Variants in UST observed in about 807,000 individuals in gnomAD.
UST encodes the protein uronyl 2-sulfotransferase.
Under a neutral mutation model 45.6 loss-of-function variants are expected in UST, and 21 were observed. The ratio of observed to expected loss-of-function variants is 0.46; its 90% CI spans 0.33 to 0.66. The LOEUF (loss-of-function observed/expected upper bound fraction) is 0.66. Ranked by LOEUF, UST falls within the 30% of genes least tolerant of loss-of-function variation. The probability of loss-of-function intolerance (pLI) is 0.02; values close to 1 mark genes in which losing one functional copy is unlikely to be tolerated. For missense variants in UST, 463 were observed against 512.4 expected, an observed-to-expected ratio of 0.90 and a Z score of 0.93; for synonymous variants, 215 against 200.6, an observed-to-expected ratio of 1.07 and a Z score of -0.61.
Position 149,076,021 on chromosome 6 carries a change from T to A in UST, c.*1905T>A, listed in dbSNP as rs1776884268. On this transcript the variant is annotated 3_prime_UTR_variant, in exon 8 of 8. Transcript: ENST00000367463. ...TTAAGAAGGCTGCAGCCCACAGGAG[T>A]CCAGGGAAGGCGGGGACCACAGAGG... 1 of 152,418 alleles carries A rather than the reference T, an allele frequency of 6.6e-6. No homozygotes were observed. The highest frequency in any genetic ancestry group is 6.6e-5 in the Admixed American group (1 of 15,260). The allele number at this position is 152,418 out of a possible 1,614,324, so 9.4% of individuals were successfully genotyped here.
intron 4 of UST, among the ~76,000 whole-genome samples, chr6:148,960,865 T>C (rs1003614101): frequency 6.6e-6 from 1 of 152,242 alleles, no homozygotes; most frequent in Non-Finnish European, 1.5e-5. Flanking sequence ...GCAATAATTA[T>C]TACCTCAGGA....
intron 7 of UST, among the ~76,000 whole-genome samples, chr6:149,041,829 C>T (rs1239915779): frequency 1.3e-5 from 2 of 152,220 alleles, no homozygotes; most frequent in Admixed American, 1.3e-4. Context: ...CCAGAACCGT[C>T]CTCTCCTAAA....
intron 1 of UST, among the ~76,000 whole-genome samples, chr6:148,765,467 A>G (rs576414595): frequency 6.6e-6 from 1 of 152,124 alleles, no homozygotes; most frequent in African/African-American, 2.4e-5. Flanking sequence ...GGTTCCATAT[A>G]AATTTTAGGA....
At chr6:149,026,369 A>G (rs577042779) in intron 7 of UST, among the ~76,000 whole-genome samples, 1 of 152,202 alleles carries the variant, frequency 6.6e-6, no homozygotes, top group Non-Finnish European at 1.5e-5. Context: ...AGAGAAGTTG[A>G]GAGAATGATC....
intron 1 of UST, 141 bp from the exon 2 acceptor site, chr6:148,886,845 T>C: frequency 1.4e-6 from 1 of 723,354 alleles, no homozygotes; most frequent in Non-Finnish European, 2.4e-6. Flanking sequence ...GTCAAACCAG[T>C]GATTAATTCC....
intron 7 of UST, among the ~76,000 whole-genome samples, chr6:149,041,495 A>G (rs1204972573): frequency 6.6e-6 from 1 of 152,192 alleles, no homozygotes; most frequent in Non-Finnish European, 1.5e-5. Flanking sequence ...CCCCTTGTCC[A>G]TGCCCCTTGC....
intron 2 of UST, among the ~76,000 whole-genome samples, chr6:148,905,426 T>C (rs78754852): frequency 0.014 from 2,163 of 152,174 alleles, 60 homozygotes; most frequent in African/African-American, 0.049. Context: ...CTTCCTCCAC[T>C]CCATGGAAAC....
Position 148,964,452 on chromosome 6 carries a change from C to A in UST, c.570C>A (p.Asp190Glu). ...CTGTCTACATCAACATCATTAGAGA[C>A]CCCGTCAACCGGTTCTTATCCAACT... ...DQPVYINIIR[D>E]PVNRFLSNYF... The change falls in exon 5 of 8, where the codon GAC becomes GAA. Residue 190 changes from aspartate to glutamate, a missense_variant. Around this residue, in one of 2 missense-constraint regions of UST, gnomAD observed 287 missense variants for 374.2 expected, o/e 0.77. Coordinates refer to ENST00000367463, the MANE Select transcript of UST (RefSeq NM_005715.3). 6.2e-7 allele frequency: 1 copy of A among 1,614,190 alleles called. No homozygotes were observed. Among genetic ancestry groups the A allele is most frequent in the Non-Finnish European group, 8.5e-7 (1 of 1,180,046 alleles).
intron 5 of UST, among the ~76,000 whole-genome samples, chr6:148,995,837 G>A (rs913117408): frequency 5.3e-5 from 8 of 152,240 alleles, no homozygotes; most frequent in South Asian, 2.1e-4. Flanking sequence ...GAGACAGGGC[G>A]TGTGCATTCC....
intron 5 of UST, among the ~76,000 whole-genome samples, chr6:149,014,991 G>T (rs1210103551): frequency 6.6e-6 from 1 of 152,116 alleles, no homozygotes; most frequent in Non-Finnish European, 1.5e-5. Context: ...AGAGCTGCTG[G>T]CTGAGAAGCT....
chr6:149,007,744 AG>A (rs1562327910), intron 5 of UST, among the ~76,000 whole-genome samples: 1 of 151,644 alleles, frequency 6.6e-6, no homozygotes, highest in African/African-American at 2.4e-5. Context: ...CATTTAAGAC[AG>A]GGGGTTTTTT....
chr6:148,867,156 A>G (rs1351349767), intron 1 of UST, among the ~76,000 whole-genome samples: 3 of 152,156 alleles, frequency 2.0e-5, no homozygotes, highest in Non-Finnish European at 2.9e-5. Flanking sequence ...TGCTAGTCAC[A>G]GTAGAGAAAA....
intron 7 of UST, among the ~76,000 whole-genome samples, chr6:149,032,815 T>G (rs557219230): frequency 6.6e-6 from 1 of 152,274 alleles, no homozygotes; most frequent in African/African-American, 2.4e-5. Context: ...ATGATTCATT[T>G]CCCCAGGCAA....
At chr6:148,802,440 C>T (rs756614195) in intron 1 of UST, among the ~76,000 whole-genome samples, 7 of 152,174 alleles carry the variant, frequency 4.6e-5, no homozygotes, top group Non-Finnish European at 1.0e-4. Context: ...TTATTTAAGG[C>T]TCAATGGAGC....
chr6:148,995,171 C>T (rs1330032964), intron 5 of UST, among the ~76,000 whole-genome samples: 3 of 152,128 alleles, frequency 2.0e-5, no homozygotes, highest in African/African-American at 7.2e-5. Flanking sequence ...ATTATAGGCA[C>T]GCACCACCAC....
intron 2 of UST, among the ~76,000 whole-genome samples, chr6:148,901,918 A>G (rs1004322387): frequency 6.6e-6 from 1 of 152,142 alleles, no homozygotes; most frequent in African/African-American, 2.4e-5. Context: ...GCCCCACTTA[A>G]CTGACAGAGG....
chr6:148,757,005 A>C (rs1041759480), intron 1 of UST, among the ~76,000 whole-genome samples: 1 of 152,226 alleles, frequency 6.6e-6, no homozygotes, highest in Admixed American at 6.5e-5. Context: ...CTTATGACAT[A>C]TGAGTACATA....
At chr6:148,900,839 T>C (rs1779240270) in intron 2 of UST, among the ~76,000 whole-genome samples, 1 of 152,216 alleles carries the variant, frequency 6.6e-6, no homozygotes, top group Admixed American at 6.5e-5. Flanking sequence ...ATGCGTTCCT[T>C]CTGGAAGCTC....
intron 7 of UST, among the ~76,000 whole-genome samples, chr6:149,046,170 G>A (rs1776392594): frequency 6.6e-6 from 1 of 152,214 alleles, no homozygotes; most frequent in African/African-American, 2.4e-5. Context: ...GGAGCCTAGA[G>A]TCTTATTTGG....
Sources: allele counts gnomAD v4.1 joint callset (sites outside exome capture counted in the v4.1 genomes callset), GRCh38; gene constraint gnomAD v4.1.1; regional missense constraint gnomAD v4.1.1; transcripts MANE v1.5; gene names NCBI Gene and HGNC (gene_info 2026-07-23, HGNC 2026-07-21).